The following ST7 variants were observed in gnomAD, a reference collection of about 807,000 sequenced individuals.
The protein encoded by ST7 is suppressor of tumorigenicity 7 protein.
A neutral mutation model predicts 78.7 loss-of-function variants in ST7; 28 were observed. The observed-to-expected ratio is 0.36, with a 90% CI of 0.26 to 0.49. ST7 has a LOEUF of 0.49. Among genes scored for constraint, ST7 ranks in the 20% least tolerant of loss-of-function variants. ST7 has a pLI of 0.99. For missense variants in ST7, 418 were observed against 696.0 expected, an observed-to-expected ratio of 0.60 and a Z score of 4.49; for synonymous variants, 247 against 249.6, an observed-to-expected ratio of 0.99 and a Z score of 0.10.
At chr7:117,104,741 G>A (rs564298142) in intron 2 of ST7, among the ~76,000 whole-genome samples, 9 of 152,314 alleles carry the variant, frequency 5.9e-5, no homozygotes, top group East Asian at 3.9e-4. Flanking sequence ...TGATGAATGC[G>A]TAAAGAATAT....
chr7:116,999,367 G>A (rs113519306), intron 1 of ST7, among the ~76,000 whole-genome samples: 2 of 152,128 alleles, frequency 1.3e-5, no homozygotes, highest in Non-Finnish European at 2.9e-5. Context: ...AAGCATCTTA[G>A]ATACTTGGAG....
intron 1 of ST7, among the ~76,000 whole-genome samples, chr7:117,039,491 T>C (rs2116268790): frequency 6.6e-6 from 1 of 152,050 alleles, no homozygotes; most frequent in South Asian, 2.1e-4. Flanking sequence ...GGAGGATCAC[T>C]TGAGCCTGAA....
chr7:117,142,809 A>G (rs1805434466), intron 9 of ST7, among the ~76,000 whole-genome samples: 1 of 152,036 alleles, frequency 6.6e-6, no homozygotes, highest in African/African-American at 2.4e-5. Context: ...ATGGGGTTTC[A>G]CCGTGTTGGC....
rs60221717 is a variant in ST7, at chr7:116,994,929, C to T, written c.151+41238C>T. On this transcript the variant is annotated intron_variant, in intron 1 of 15. Transcript: ENST00000323984. ...TCACTCTTTTTTTTACCGTTTCCTT[C>T]TTTCCTGGGAGGTAATCAGGATCGA... Among the ~76,000 whole-genome samples the T allele has an allele frequency of 2.0e-3, 301 of 152,242 alleles. 1 individual carries two copies. Among genetic ancestry groups the T allele is most frequent in the African/African-American group, 7.0e-3 (292 of 41,546 alleles).
chr7:117,070,339 C>T (rs1382913478), intron 1 of ST7, among the ~76,000 whole-genome samples: 1 of 152,144 alleles, frequency 6.6e-6, no homozygotes, highest in Non-Finnish European at 1.5e-5. Flanking sequence ...AGACGATGAA[C>T]CATAAAATAT....
At chr7:117,202,755 C>T (rs1810995509) in intron 12 of ST7, among the ~76,000 whole-genome samples, 1 of 152,224 alleles carries the variant, frequency 6.6e-6, no homozygotes, top group South Asian at 2.1e-4. Flanking sequence ...GCAGTGATTT[C>T]CAAACTGTCC....
At chr7:116,987,252 C>T (rs1198373492) in intron 1 of ST7, among the ~76,000 whole-genome samples, 1 of 152,148 alleles carries the variant, frequency 6.6e-6, no homozygotes, top group South Asian at 2.1e-4. Flanking sequence ...TCAAAATGGG[C>T]TGGGTATTTT....
At chr7:117,111,341 G>A (rs1486932462) in intron 2 of ST7, among the ~76,000 whole-genome samples, 3 of 152,084 alleles carry the variant, frequency 2.0e-5, no homozygotes, top group Non-Finnish European at 4.4e-5. Flanking sequence ...TAAAGTACAC[G>A]GCTGACCCTG....
At position 117,229,827 on chromosome 7, in the gene ST7, C is replaced by T; in HGVS notation, c.1704C>T (p.Ser568=). 6.2e-7 allele frequency: 1 copy of T among 1,614,116 alleles called. No individual in the cohort carries two copies. Among genetic ancestry groups the T allele is most frequent in the Non-Finnish European group, 8.5e-7 (1 of 1,180,030 alleles). Residue 568 remains serine, a synonymous_variant, in exon 16 of 16, where the codon TCC becomes TCT. Transcript: ENST00000323984. ...VMEKVESILP[S]SLWHQLTRI ...AGAAAGTGGAGAGCATCCTCCCATC[C>T]AGTCTGTGGCACCAGCTAACACGGA...
intron 2 of ST7, among the ~76,000 whole-genome samples, chr7:117,100,610 T>C (rs897830417): frequency 1.3e-5 from 2 of 152,172 alleles, no homozygotes; most frequent in African/African-American, 4.8e-5. Flanking sequence ...TCATCTTCTT[T>C]TCTTTCTAAA....
chr7:117,211,241 C>G (rs1792262833), intron 13 of ST7, among the ~76,000 whole-genome samples: 1 of 152,206 alleles, frequency 6.6e-6, no homozygotes. Flanking sequence ...AGGATTTTAT[C>G]AGTGCCTCCG....
intron 9 of ST7, among the ~76,000 whole-genome samples, chr7:117,152,391 T>C (rs1563125008): frequency 6.6e-6 from 1 of 151,634 alleles, no homozygotes; most frequent in Non-Finnish European, 1.5e-5. Context: ...CACTCCTGCT[T>C]TCTGTCTCTG....
chr7:117,216,319 TATACC>T (rs1464816272), intron 13 of ST7, among the ~76,000 whole-genome samples: 15 of 152,234 alleles, frequency 9.9e-5, no homozygotes, highest in Non-Finnish European at 2.1e-4. Context: ...ATATCATTTA[TATACC>T]ATGTATTCAC....
intron 9 of ST7, 139 bp downstream of exon 9, chr7:117,138,671 C>A (rs1805008324): frequency 3.8e-6 from 2 of 529,858 alleles, no homozygotes; most frequent in Non-Finnish European, 6.8e-6. Context: ...ACTCTAGTTC[C>A]CAATTTACTA....
intron 1 of ST7, among the ~76,000 whole-genome samples, chr7:117,016,474 T>C (rs939287846): frequency 4.1e-5 from 6 of 147,972 alleles, no homozygotes; most frequent in Non-Finnish European, 8.9e-5. Flanking sequence ...TTCTATAGTT[T>C]GTATATTGCC....
chr7:117,058,851 A>C (rs1048677039), intron 1 of ST7, among the ~76,000 whole-genome samples: 3 of 152,244 alleles, frequency 2.0e-5, no homozygotes, highest in African/African-American at 7.2e-5. Context: ...ACAATGGAGT[A>C]CGATTCAGCC....
chr7:116,994,563 G>C (rs1794564777), intron 1 of ST7, among the ~76,000 whole-genome samples: 1 of 152,138 alleles, frequency 6.6e-6, no homozygotes, highest in Non-Finnish European at 1.5e-5. Context: ...TTTTATGGTA[G>C]AATCTACTAG....
At chr7:117,019,811 T>C (rs1459338341) in intron 1 of ST7, among the ~76,000 whole-genome samples, 1 of 152,232 alleles carries the variant, frequency 6.6e-6, no homozygotes, top group African/African-American at 2.4e-5. Flanking sequence ...CCTTGATCTG[T>C]CAATCTACCA....
chr7:117,135,599 A>G (rs1449051008), intron 7 of ST7, among the ~76,000 whole-genome samples: 1 of 152,104 alleles, frequency 6.6e-6, no homozygotes. Context: ...TAACAGAAGT[A>G]AACCTGTATA....
Sources: gnomAD v4.1 joint callset for allele counts (sites outside exome capture counted in the v4.1 genomes callset) on GRCh38, gnomAD v4.1.1 for gene constraint, MANE v1.5 for transcripts, NCBI Gene and HGNC (gene_info 2026-07-23, HGNC 2026-07-21) for gene names.